The following MAGI1 variants were observed in gnomAD, a reference collection of about 807,000 sequenced individuals.
MAGI1 encodes the protein membrane-associated guanylate kinase, WW and PDZ domain-containing protein 1.
A neutral mutation model predicts 139.9 loss-of-function variants in MAGI1; 58 were observed. The observed-to-expected ratio is 0.41, with a 90% CI of 0.34 to 0.52. MAGI1 has a LOEUF of 0.52. Ranked by LOEUF, MAGI1 falls within the 20% of genes least tolerant of loss-of-function variation. The pLI is 0.12. For missense variants in MAGI1, 1,874 were observed against 1,901.6 expected, an observed-to-expected ratio of 0.99 and a Z score of 0.27; for synonymous variants, 812 against 737.9, an observed-to-expected ratio of 1.10 and a Z score of -1.63.
intron 1 of MAGI1, among the ~76,000 whole-genome samples, chr3:65,662,656 A>G (rs1220962313): frequency 1.3e-5 from 2 of 152,228 alleles, no homozygotes; most frequent in Non-Finnish European, 2.9e-5. Context: ...ACTGATTATT[A>G]TAGTCAAACA....
At position 65,979,108 on chromosome 3, in the gene MAGI1, C is replaced by G. The variant is rs112108420; in HGVS notation, c.313+58888G>C. Among the ~76,000 whole-genome samples the G allele has an allele frequency of 5.0e-3, 681 of 135,024 alleles. 7 individuals are homozygous for G. The highest frequency in any genetic ancestry group is 0.018 in the African/African-American group (649 of 35,096). 88.6% of individuals were successfully genotyped at this position (135,024 alleles called of 152,430 possible). On this transcript the variant is annotated intron_variant, in intron 1 of 22. Transcript: ENST00000402939. ...TTTCTTCCCCCCCCCCGCCACCCCC[C>G]ACAGCTACTCACAGAGATATCAAGA...
intron 2 of MAGI1, among the ~76,000 whole-genome samples, chr3:65,495,992 T>C (rs560756959): frequency 7.4e-4 from 113 of 152,280 alleles, no homozygotes; most frequent in Non-Finnish European, 1.5e-3. Flanking sequence ...GATAATGGAA[T>C]GTCATCCTTA....
At chr3:65,572,988 T>C (rs1161753900) in intron 2 of MAGI1, among the ~76,000 whole-genome samples, 2 of 152,008 alleles carry the variant, frequency 1.3e-5, no homozygotes, top group African/African-American at 2.4e-5. Flanking sequence ...AATTTAGACT[T>C]GCACGTATTT....
rs1943906940 is a variant in MAGI1 at position 65,391,362 on chromosome 3, A to G, written c.2200-4T>C. 1 of 1,613,318 alleles carries G rather than the reference A, an allele frequency of 6.2e-7. No individual in the cohort carries two copies. The highest frequency in any genetic ancestry group is 2.2e-5 in the East Asian group (1 of 44,866). On this transcript the variant is annotated splice_polypyrimidine_tract_variant and splice_region_variant and intron_variant, in intron 13 of 22. Transcript: ENST00000402939. ...TGTCTTTCCTTTCCAGTGGTTGCTG[A>G]AAGTAAGCAAGTGAGAGGGGCAAGA... is the stretch of plus-strand genomic sequence containing the variant.
chr3:65,638,237 A>C lies in MAGI1; in HGVS notation c.314-16149T>G, dbSNP rs1037672374. ...AGGACTAAATGAGAATATACAACGT[A>C]ATGCTCACTAATGTGAGCTACCCTT... On this transcript the variant is annotated intron_variant, in intron 1 of 22. Coordinates refer to ENST00000402939, the MANE Select transcript of MAGI1 (RefSeq NM_001033057.2). Among the ~76,000 whole-genome samples, 22 of 152,316 alleles carry C rather than the reference A, an allele frequency of 1.4e-4. No individual in the cohort carries two copies. In the South Asian group the frequency reaches 2.5e-3, roughly 17 times the overall value.
At chr3:65,418,132 G>A (rs1171650327) in intron 12 of MAGI1, among the ~76,000 whole-genome samples, 1 of 152,184 alleles carries the variant, frequency 6.6e-6, no homozygotes, top group Non-Finnish European at 1.5e-5. Context: ...ATGACAAACT[G>A]TGGAGGCTGG....
In MAGI1 at chr3:65,430,732, C is replaced by T. The variant is rs1172461833; in HGVS notation, c.1513G>A (p.Gly505Ser). 1.9e-6 allele frequency: 3 copies of T among 1,613,448 alleles called. No individual in the cohort carries two copies. Among genetic ancestry groups the T allele is most frequent in the African/African-American group, 2.7e-5 (2 of 74,836 alleles). ...ATCTTGCCATCCAATGCAGCAGGACCATCTAGGACCAAGCTCTTGATCTGG... is the reference window on the plus strand; with the variant it reads ...ATCTTGCCATCCAATGCAGCAGGACTATCTAGGACCAAGCTCTTGATCTGG... ...FLQIKSLVLD[G>S]PAALDGKMET... The change falls in exon 11 of 23, where the codon GGT (glycine) becomes AGT (serine). Residue 505 changes from glycine (G) to serine (S), a missense_variant. Coordinates refer to ENST00000402939, the MANE Select transcript of MAGI1 (RefSeq NM_001033057.2).
intron 2 of MAGI1, among the ~76,000 whole-genome samples, chr3:65,543,105 G>GAC (rs1364537190): frequency 6.6e-6 from 1 of 151,626 alleles, no homozygotes; most frequent in Admixed American, 6.6e-5. Context: ...GATATGAACA[G>GAC]ACACTTCTCA....
intron 2 of MAGI1, among the ~76,000 whole-genome samples, chr3:65,545,988 ACACACG>A (rs1401053291): frequency 7.0e-6 from 1 of 143,228 alleles, no homozygotes; most frequent in African/African-American, 2.7e-5. Context: ...ACACACACAC[ACACACG>A]CACACACACA....
At chr3:65,723,052 T>C (rs79426990) in intron 1 of MAGI1, among the ~76,000 whole-genome samples, 34 of 151,762 alleles carry the variant, frequency 2.2e-4, no homozygotes, top group African/African-American at 8.2e-4. Flanking sequence ...ACATCCCTCA[T>C]GGACTTAGGT....
intron 18 of MAGI1, among the ~76,000 whole-genome samples, chr3:65,367,831 AAAG>A (rs1176027791): frequency 6.6e-6 from 1 of 152,200 alleles, no homozygotes; most frequent in Non-Finnish European, 1.5e-5. Flanking sequence ...TCCTTTCAAA[AAAG>A]AAATAATTTT....
At chr3:65,723,987 A>G (rs2033337846) in intron 1 of MAGI1, among the ~76,000 whole-genome samples, 2 of 152,186 alleles carry the variant, frequency 1.3e-5, no homozygotes, top group South Asian at 4.1e-4. Context: ...AATCCCATCA[A>G]TTGCAGACAC....
At chr3:65,504,496 C>A (rs1373793458) in intron 2 of MAGI1, among the ~76,000 whole-genome samples, 1 of 152,016 alleles carries the variant, frequency 6.6e-6, no homozygotes, top group Admixed American at 6.6e-5. Flanking sequence ...AGGACCAGGA[C>A]TTGAAACCAG....
intron 12 of MAGI1, among the ~76,000 whole-genome samples, chr3:65,417,119 A>T (rs1307639917): frequency 6.6e-6 from 1 of 152,310 alleles, no homozygotes; most frequent in East Asian, 1.9e-4. Context: ...ATCTCTTGCA[A>T]TAAAGAGAAG....
intron 1 of MAGI1, among the ~76,000 whole-genome samples, chr3:66,018,120 G>GTGGT (rs1553748581): frequency 1.6e-5 from 2 of 126,762 alleles, no homozygotes; most frequent in African/African-American, 2.6e-5. Flanking sequence ...TGGTGGGGGG[G>GTGGT]GGGGGTGTCT....
intron 1 of MAGI1, among the ~76,000 whole-genome samples, chr3:65,904,341 A>G (rs1260226436): frequency 6.6e-6 from 1 of 152,166 alleles, no homozygotes; most frequent in Non-Finnish European, 1.5e-5. Flanking sequence ...GCCCCTTCTC[A>G]CCTACCACAT....
chr3:65,473,361 G>C (rs955859853), intron 4 of MAGI1, among the ~76,000 whole-genome samples: 3 of 152,086 alleles, frequency 2.0e-5, no homozygotes, highest in African/African-American at 7.2e-5. Context: ...CATGGCATAA[G>C]AACAGAATTA....
chr3:65,666,544 AG>A (rs1194075297), intron 1 of MAGI1, among the ~76,000 whole-genome samples: 14 of 152,356 alleles, frequency 9.2e-5, no homozygotes, highest in Non-Finnish European at 1.5e-4. Context: ...ATATTAGCAT[AG>A]TAAAAGCTCT....
intron 1 of MAGI1, among the ~76,000 whole-genome samples, chr3:65,723,799 T>C (rs535486382): frequency 1.3e-5 from 2 of 152,344 alleles, no homozygotes; most frequent in South Asian, 2.1e-4. Context: ...GGAGAACTTA[T>C]GCTAAAGTGA....
Sources: gnomAD v4.1 joint callset for allele counts (sites outside exome capture counted in the v4.1 genomes callset) on GRCh38, gnomAD v4.1.1 for gene constraint, MANE v1.5 for transcripts, NCBI Gene and HGNC (gene_info 2026-07-23, HGNC 2026-07-21) for gene names.